Variants in SNTG1 observed in about 807,000 individuals in gnomAD.
SNTG1 encodes gamma-1-syntrophin.
In SNTG1, 39 loss-of-function variants were observed where a neutral mutation model predicts 74.7. The observed-to-expected ratio is 0.52, with a 90% confidence interval of 0.40 to 0.68. The LOEUF is 0.68. SNTG1 is among the 30% of genes least tolerant of loss of function. SNTG1 has a pLI of 0.00. For synonymous variants in SNTG1, 254 were observed against 217.1 expected (o/e 1.17, Z -1.49); for missense variants, 685 against 609.5 (o/e 1.12, Z -1.30).
intron 2 of SNTG1, among the ~76,000 whole-genome samples, chr8:50,333,975 C>T (rs1587181740): frequency 6.6e-6 from 1 of 152,294 alleles, no homozygotes; most frequent in Non-Finnish European, 1.5e-5. Flanking sequence ...AAAGACACTG[C>T]AGCCTCTGCC....
rs930486711 is a variant in SNTG1, at chr8:49,911,728, A to T, written c.-606A>T. ...CAGAGGGGATGGACAGCGTCTCCGG[A>T]CTGAGCTGCAGCCACAGGGACGGAA... On this transcript the variant is annotated 5_prime_UTR_variant, in exon 1 of 19. Transcript: ENST00000642720. 1 of 152,178 alleles carries T rather than the reference A, an allele frequency of 6.6e-6. No homozygotes were observed. Among genetic ancestry groups the T allele is most frequent in the Non-Finnish European group, 1.5e-5 (1 of 68,072 alleles). The allele number at this position is 152,178 out of a possible 1,614,324, so 9.4% of individuals were successfully genotyped here.
chr8:50,119,883 G>C (rs2080940201), intron 1 of SNTG1, among the ~76,000 whole-genome samples: 1 of 141,842 alleles, frequency 7.1e-6, no homozygotes, highest in Non-Finnish European at 1.6e-5. Flanking sequence ...GCAATACTCA[G>C]GATATGCATT....
At chr8:50,280,966 A>G (rs1260773919) in intron 2 of SNTG1, among the ~76,000 whole-genome samples, 1 of 148,690 alleles carries the variant, frequency 6.7e-6, no homozygotes, top group Non-Finnish European at 1.5e-5. Flanking sequence ...ATCCTGGCTA[A>G]CATGGTGAAA....
chr8:50,130,955 T>A lies in SNTG1; in HGVS notation c.-102-41606T>A, dbSNP rs573621183. Among the ~76,000 whole-genome samples, 10 of 152,200 alleles carry A rather than the reference T, an allele frequency of 6.6e-5. No individual in the cohort carries two copies. In the South Asian group the frequency reaches 2.1e-3, roughly 32 times the overall value. ...ACAAAGATATTCATTGACTGTAAACTTGAAATTTTAGAATGTCTTCTTAAT... is the reference window on the plus strand; with the variant it reads ...ACAAAGATATTCATTGACTGTAAACATGAAATTTTAGAATGTCTTCTTAAT... On this transcript the variant is annotated intron_variant, in intron 1 of 18. Transcript: ENST00000642720.
chr8:50,518,959 C>T (rs2130117505), intron 9 of SNTG1, among the ~76,000 whole-genome samples: 1 of 152,256 alleles, frequency 6.6e-6, no homozygotes, highest in Admixed American at 6.5e-5. Context: ...TTTTATGAGG[C>T]CATTATCATC....
intron 12 of SNTG1, among the ~76,000 whole-genome samples, chr8:50,555,581 C>T (rs936922226): frequency 3.9e-5 from 6 of 152,116 alleles, no homozygotes; most frequent in Admixed American, 1.3e-4. Context: ...GAAATAACAC[C>T]TTATGGAAAG....
chr8:50,561,997 A>G (rs1199389617), intron 12 of SNTG1, among the ~76,000 whole-genome samples: 2 of 152,332 alleles, frequency 1.3e-5, no homozygotes, highest in African/African-American at 4.8e-5. Context: ...TCCATCTTAT[A>G]TATGTCCTTA....
intron 2 of SNTG1, among the ~76,000 whole-genome samples, chr8:50,360,323 T>C (rs551184991): frequency 4.6e-5 from 7 of 152,190 alleles, no homozygotes; most frequent in African/African-American, 1.4e-4. Flanking sequence ...TCAGCATGTA[T>C]TGATAATCCA....
chr8:50,087,908 T>C (rs1189900613), intron 1 of SNTG1, among the ~76,000 whole-genome samples: 1 of 147,432 alleles, frequency 6.8e-6, no homozygotes, highest in East Asian at 2.1e-4. Context: ...ATTAGGTATA[T>C]CTCCCAATGT....
rs912882995 is a variant in SNTG1 at position 50,151,536 on chromosome 8, T to C, written c.-102-21025T>C. On this transcript the variant is annotated intron_variant, in intron 1 of 18. Coordinates refer to ENST00000642720, the MANE Select transcript of SNTG1 (RefSeq NM_018967.5). ...ATTTTAGATCTTTCCTGCTTTCTCC[T>C]GTGGGCATTTAGTGCTGTAAATTTC... 3.3e-5 allele frequency among the ~76,000 whole-genome samples: 5 copies of C among 152,236 alleles called. 1 individual carries two copies. The highest frequency in any genetic ancestry group is 7.3e-5 in the Non-Finnish European group (5 of 68,044).
intron 17 of SNTG1, among the ~76,000 whole-genome samples, chr8:50,717,970 A>C (rs1309510914): frequency 1.3e-5 from 2 of 152,124 alleles, no homozygotes; most frequent in African/African-American, 4.8e-5. Context: ...CAGCAGAGTT[A>C]ATGTCTGTTA....
intron 1 of SNTG1, among the ~76,000 whole-genome samples, chr8:50,131,485 T>C (rs2081315093): frequency 6.6e-6 from 1 of 152,192 alleles, no homozygotes; most frequent in Admixed American, 6.5e-5. Context: ...TGGATGTTGC[T>C]GCAAGTGACA....
intron 1 of SNTG1, among the ~76,000 whole-genome samples, chr8:49,921,218 A>G (rs1156634964): frequency 3.3e-5 from 5 of 152,090 alleles, no homozygotes; most frequent in Non-Finnish European, 5.9e-5. Flanking sequence ...AGAAAAAAAT[A>G]AGAGAAAAGA....
intron 2 of SNTG1, among the ~76,000 whole-genome samples, chr8:50,296,795 G>T (rs1001978771): frequency 5.9e-5 from 9 of 152,056 alleles, no homozygotes; most frequent in African/African-American, 2.2e-4. Context: ...TAAAAAGACA[G>T]AGAAAGAGAA....
intron 4 of SNTG1, among the ~76,000 whole-genome samples, chr8:50,404,471 G>T (rs1158043906): frequency 6.6e-6 from 1 of 151,958 alleles, no homozygotes; most frequent in Non-Finnish European, 1.5e-5. Context: ...TGAATAAAAA[G>T]AACAAAGTTG....
At chr8:50,516,867 C>T (rs1173493796) in intron 9 of SNTG1, among the ~76,000 whole-genome samples, 1 of 152,194 alleles carries the variant, frequency 6.6e-6, no homozygotes, top group East Asian at 1.9e-4. Context: ...TTGGAAATCA[C>T]TCTTCAAGAT....
intron 15 of SNTG1, among the ~76,000 whole-genome samples, chr8:50,672,731 T>C (rs1239529079): frequency 6.6e-6 from 1 of 152,218 alleles, no homozygotes; most frequent in Non-Finnish European, 1.5e-5. Flanking sequence ...TTGCAATTGC[T>C]TTTTGCATTT....
intron 1 of SNTG1, among the ~76,000 whole-genome samples, chr8:50,141,261 G>T (rs1414617484): frequency 6.6e-6 from 1 of 152,182 alleles, no homozygotes; most frequent in African/African-American, 2.4e-5. Flanking sequence ...GATGGTAAGT[G>T]CATGTTGAAC....
intron 4 of SNTG1, among the ~76,000 whole-genome samples, chr8:50,404,540 G>A (rs890161087): frequency 1.3e-5 from 2 of 151,850 alleles, no homozygotes; most frequent in African/African-American, 4.8e-5. Context: ...TAAATACAAT[G>A]TAATGCTGTA....
Sources: allele counts gnomAD v4.1 joint callset (sites outside exome capture counted in the v4.1 genomes callset), GRCh38; gene constraint gnomAD v4.1.1; transcripts MANE v1.5; gene names NCBI Gene and HGNC (gene_info 2026-07-23, HGNC 2026-07-21).